Variants in PRKCA observed in about 807,000 individuals in gnomAD.
PRKCA encodes protein kinase C alpha.
In PRKCA, 27 loss-of-function variants were observed where a neutral mutation model predicts 87.0. The observed-to-expected ratio is 0.31, with a 90% CI of 0.23 to 0.43. The LOEUF (loss-of-function observed/expected upper bound fraction) is 0.43, where lower values mean the gene tolerates loss of function less well. PRKCA is among the 20% of genes least tolerant of loss of function. PRKCA has a pLI of 1.00. For missense variants in PRKCA, 518 were observed against 852.3 expected, an observed-to-expected ratio of 0.61 and a Z score of 4.88; for synonymous variants, 329 against 311.1, an observed-to-expected ratio of 1.06 and a Z score of -0.61.
chr17:66,662,347 C>A (rs941352146), intron 5 of PRKCA, among the ~76,000 whole-genome samples: 4 of 152,314 alleles, frequency 2.6e-5, no homozygotes, highest in African/African-American at 9.6e-5. Context: ...ACAACATTGG[C>A]TGTCTTCCTG....
rs975271008 is a variant in PRKCA at position 66,807,335 on chromosome 17, G to A, written c.*3298G>A. On this transcript the variant is annotated 3_prime_UTR_variant, in exon 17 of 17. Transcript: ENST00000413366. This position sits in a 1 kb window ranked among gnomAD's most constrained non-coding sequence, Gnocchi z 4.3. Reference sequence around the variant, plus strand: ...GAAGGTGGCCACTCCTCGGTGGCAGGGCCTTTCCCTGAGGCTGCAGGCCGT... The same window carrying A: ...GAAGGTGGCCACTCCTCGGTGGCAGAGCCTTTCCCTGAGGCTGCAGGCCGT... 1 of 152,254 alleles carries A rather than the reference G, an allele frequency of 6.6e-6. No homozygotes were observed. Among genetic ancestry groups the A allele is most frequent in the Non-Finnish European group, 1.5e-5 (1 of 68,062 alleles). The allele number at this position is 152,254 out of a possible 1,614,324, so 9.4% of individuals were successfully genotyped here. A position where few individuals can be genotyped will look rare whatever the true frequency, so the allele number is the denominator to read the frequency against.
intron 2 of PRKCA, among the ~76,000 whole-genome samples, chr17:66,461,080 C>A (rs1458399118): frequency 6.6e-6 from 1 of 151,908 alleles, no homozygotes; most frequent in East Asian, 1.9e-4. Context: ...ATAGTACACG[C>A]CTGTAGTTCC....
intron 13 of PRKCA, among the ~76,000 whole-genome samples, chr17:66,762,563 TA>T (rs2144300267): frequency 6.6e-6 from 1 of 152,284 alleles, no homozygotes; most frequent in African/African-American, 2.4e-5. Flanking sequence ...GGAGTTTAAT[TA>T]GGAAGTATCT....
intron 3 of PRKCA, among the ~76,000 whole-genome samples, chr17:66,544,893 A>G (rs1968098584): frequency 6.6e-6 from 1 of 152,138 alleles, no homozygotes; most frequent in Admixed American, 6.5e-5. Context: ...ATGTCCGACC[A>G]CCAATATCAT....
rs1598627574 is a variant in PRKCA, at chr17:66,381,123, G to A, written c.205+74996G>A. 3.3e-5 allele frequency among the ~76,000 whole-genome samples: 5 copies of A among 151,704 alleles called. No individual in the cohort carries two copies. In the South Asian group the frequency reaches 1.0e-3, roughly 32 times the overall value. ...CCCAGCTAAGTTTTATATTTTTTTT[G>A]TAGAGCTGGGGTCTCGCTATGTTGG... On this transcript the variant is annotated intron_variant, in intron 2 of 16. Coordinates refer to ENST00000413366, the MANE Select transcript of PRKCA (RefSeq NM_002737.3).
At chr17:66,457,373 G>A (rs1914618302) in intron 2 of PRKCA, among the ~76,000 whole-genome samples, 1 of 152,112 alleles carries the variant, frequency 6.6e-6, no homozygotes, top group African/African-American at 2.4e-5. Context: ...AGATGGCTCA[G>A]TTCTTCTAAT....
At chr17:66,591,383 T>A (rs1969800090) in intron 3 of PRKCA, among the ~76,000 whole-genome samples, 1 of 151,896 alleles carries the variant, frequency 6.6e-6, no homozygotes, top group African/African-American at 2.4e-5. Context: ...GGTCTTGAAC[T>A]CCCGGGCTCA....
At chr17:66,365,082 A>AC (rs1908622785) in intron 2 of PRKCA, among the ~76,000 whole-genome samples, 2 of 152,192 alleles carry the variant, frequency 1.3e-5, no homozygotes, top group African/African-American at 4.8e-5. Flanking sequence ...GAAAAAGGGG[A>AC]CTTCACATTG....
intron 8 of PRKCA, among the ~76,000 whole-genome samples, chr17:66,713,776 C>T (rs1488274647): frequency 1.3e-5 from 2 of 152,136 alleles, no homozygotes; most frequent in African/African-American, 2.4e-5. Flanking sequence ...ATAGACTTGT[C>T]AACACTCAGT....
chr17:66,531,883 A>G (rs1379945048), intron 3 of PRKCA, among the ~76,000 whole-genome samples: 4 of 152,174 alleles, frequency 2.6e-5, no homozygotes, highest in Non-Finnish European at 5.9e-5. Flanking sequence ...TTCCTTCCCC[A>G]GACCTCATAG....
At chr17:66,530,419 G>A (rs2144261618) in intron 3 of PRKCA, among the ~76,000 whole-genome samples, 1 of 152,242 alleles carries the variant, frequency 6.6e-6, no homozygotes, top group East Asian at 1.9e-4. Flanking sequence ...AAATACTTGG[G>A]CAGAAAGAAA....
chr17:66,432,976 C>G (rs963837107), intron 2 of PRKCA, among the ~76,000 whole-genome samples: 2 of 152,084 alleles, frequency 1.3e-5, no homozygotes, highest in Admixed American at 6.6e-5. Flanking sequence ...AAGCCAGGCT[C>G]TTTGTGAGGT....
chr17:66,593,227 T>G (rs1969868994), intron 3 of PRKCA, among the ~76,000 whole-genome samples: 1 of 152,198 alleles, frequency 6.6e-6, no homozygotes, highest in Non-Finnish European at 1.5e-5. Context: ...AGTCGGTGTT[T>G]CCTCCCATGT....
intron 14 of PRKCA, among the ~76,000 whole-genome samples, chr17:66,779,173 A>T (rs1975140859): frequency 1.3e-5 from 2 of 152,246 alleles, no homozygotes; most frequent in Non-Finnish European, 2.9e-5. Context: ...AGTCGTTGAC[A>T]GGGTTTTGGT....
At chr17:66,453,553 G>T (rs1357258358) in intron 2 of PRKCA, among the ~76,000 whole-genome samples, 1 of 151,980 alleles carries the variant, frequency 6.6e-6, no homozygotes. Context: ...CCTGACCTCA[G>T]GTGATCCGCC....
chr17:66,633,759 GCA>G (rs1403443638), intron 3 of PRKCA, among the ~76,000 whole-genome samples: 1 of 152,166 alleles, frequency 6.6e-6, no homozygotes, highest in African/African-American at 2.4e-5. Flanking sequence ...TGCATTAAAA[GCA>G]CATGTGCAGT....
chr17:66,730,275 G>A (rs948887643), intron 8 of PRKCA, among the ~76,000 whole-genome samples: 1 of 152,180 alleles, frequency 6.6e-6, no homozygotes, highest in African/African-American at 2.4e-5. Flanking sequence ...CAAAATTGGG[G>A]TTCAGCCTAA....
intron 3 of PRKCA, among the ~76,000 whole-genome samples, chr17:66,535,582 A>G (rs1967749984): frequency 6.6e-6 from 1 of 152,090 alleles, no homozygotes; most frequent in African/African-American, 2.4e-5. Flanking sequence ...TCACCAGAGT[A>G]AGGGCACAAA....
At chr17:66,546,174 A>T (rs1021969804) in intron 3 of PRKCA, among the ~76,000 whole-genome samples, 1 of 152,214 alleles carries the variant, frequency 6.6e-6, no homozygotes, top group Non-Finnish European at 1.5e-5. Context: ...ATTAATTTAC[A>T]TGGGATTATA....
Sources: allele counts gnomAD v4.1 joint callset (sites outside exome capture counted in the v4.1 genomes callset), GRCh38; gene constraint gnomAD v4.1.1; non-coding constraint Gnocchi (gnomAD v3.1); transcripts MANE v1.5; gene names NCBI Gene and HGNC (gene_info 2026-07-23, HGNC 2026-07-21).